Variants in ROBO1 observed in about 807,000 individuals in gnomAD.
ROBO1 encodes roundabout guidance receptor 1.
Under a neutral mutation model 195.9 loss-of-function variants are expected in ROBO1, and 149 were observed. That is an observed-to-expected ratio of 0.76 (90% confidence interval 0.67 to 0.87). ROBO1 has a LOEUF of 0.87. ROBO1 is among the 40% of genes least tolerant of loss of function. ROBO1 has a pLI of 0.00. For synonymous variants in ROBO1, 816 were observed against 733.2 expected (o/e 1.11, Z -1.82); for missense variants, 1,933 against 2,068.3 (o/e 0.93, Z 1.27).
chr3:79,716,343 C>G (rs1576274817), intron 1 of ROBO1, among the ~76,000 whole-genome samples: 1 of 151,786 alleles, frequency 6.6e-6, no homozygotes, highest in Non-Finnish European at 1.5e-5. Flanking sequence ...TTATGAAATA[C>G]TACATATTCT....
rs535825971 is a variant in ROBO1 at position 78,760,513 on chromosome 3, T to C, written c.500-13613A>G. 2.0e-5 allele frequency among the ~76,000 whole-genome samples: 3 copies of C among 152,322 alleles called. No homozygotes were observed. The South Asian group carries it at 6.2e-4, about 32-fold the overall frequency. ...AAAATTTGGCAGCTCAGCTCTATTA[T>C]AATGGGAGCTACAACATACAGGCTC... On this transcript the variant is annotated intron_variant, in intron 4 of 30. Coordinates refer to ENST00000464233, the MANE Select transcript of ROBO1 (RefSeq NM_002941.4).
At chr3:79,138,579 C>T (rs2080461803) in intron 2 of ROBO1, among the ~76,000 whole-genome samples, 2 of 151,880 alleles carry the variant, frequency 1.3e-5, no homozygotes, top group Non-Finnish European at 2.9e-5. Flanking sequence ...GTTATGCACA[C>T]ATTTGGAAAT....
intron 1 of ROBO1, among the ~76,000 whole-genome samples, chr3:79,752,689 A>G (rs1704184853): frequency 6.6e-6 from 1 of 152,144 alleles, no homozygotes; most frequent in Non-Finnish European, 1.5e-5. Context: ...ACAGTATAAA[A>G]CAAAGGAAAA....
chr3:78,910,074 C>A (rs150517609), intron 4 of ROBO1, among the ~76,000 whole-genome samples: 1 of 151,684 alleles, frequency 6.6e-6, no homozygotes, highest in East Asian at 1.9e-4. Context: ...TTAAAATATT[C>A]CTGAATCTTA....
chr3:78,745,616 C>T (rs2082638791), intron 5 of ROBO1, among the ~76,000 whole-genome samples: 1 of 152,170 alleles, frequency 6.6e-6, no homozygotes, highest in Non-Finnish European at 1.5e-5. Context: ...ACCAATGTTT[C>T]CCCATACAGT....
chr3:78,840,043 G>C (rs2033072353), intron 4 of ROBO1, among the ~76,000 whole-genome samples: 1 of 152,182 alleles, frequency 6.6e-6, no homozygotes, highest in Non-Finnish European at 1.5e-5. Context: ...TGTCTTACCT[G>C]TCAAAAGTTA....
intron 2 of ROBO1, among the ~76,000 whole-genome samples, chr3:79,496,909 G>A (rs1939778615): frequency 1.3e-5 from 2 of 152,052 alleles, no homozygotes; most frequent in African/African-American, 4.8e-5. Context: ...TCCAAAACTG[G>A]TTGTTTATCT....
At chr3:79,696,842 A>G (rs961546454) in intron 1 of ROBO1, among the ~76,000 whole-genome samples, 7 of 151,568 alleles carry the variant, frequency 4.6e-5, no homozygotes, top group African/African-American at 1.7e-4. Context: ...TATAAAGTCA[A>G]TATCACCTTC....
intron 2 of ROBO1, among the ~76,000 whole-genome samples, chr3:79,407,419 G>GA (rs975482249): frequency 2.2e-4 from 34 of 151,902 alleles, no homozygotes; most frequent in African/African-American, 7.5e-4. Context: ...TAAACGTTGT[G>GA]AAAAAAATAC....
intron 4 of ROBO1, among the ~76,000 whole-genome samples, chr3:78,774,078 GTT>G (rs2083444558): frequency 6.6e-6 from 1 of 152,186 alleles, no homozygotes; most frequent in South Asian, 2.1e-4. Flanking sequence ...CCAAAGAATA[GTT>G]GATAGTATGT....
At chr3:79,432,988 A>C (rs1440879171) in intron 2 of ROBO1, among the ~76,000 whole-genome samples, 1 of 152,176 alleles carries the variant, frequency 6.6e-6, no homozygotes, top group Non-Finnish European at 1.5e-5. Flanking sequence ...GTTATTTTTA[A>C]AATGTCATTT....
rs772376659 is a variant in ROBO1 at position 79,619,989 on chromosome 3, G to C, written c.-50-30028C>G. On this transcript the variant is annotated intron_variant, in intron 1 of 30. Coordinates refer to ENST00000464233, the MANE Select transcript of ROBO1 (RefSeq NM_002941.4). ...TTGCAATTCCTTACCTCCACTGTGA[G>C]AGAAACCCCAGCCACATCTCCAGCA... is the stretch of plus-strand genomic sequence containing the variant. Among the ~76,000 whole-genome samples the C allele has an allele frequency of 4.9e-4, 75 of 152,102 alleles. 1 individual carries two copies. Among genetic ancestry groups the C allele is most frequent in the Middle Eastern group, 3.2e-3 (1 of 316 alleles).
chr3:79,318,968 A>C (rs938105689), intron 2 of ROBO1, among the ~76,000 whole-genome samples: 1 of 152,214 alleles, frequency 6.6e-6, no homozygotes, highest in Admixed American at 6.5e-5. Context: ...ACATATAATC[A>C]ATACCATTTT....
At chr3:78,718,851 AGAGG>A (rs1297529949) in intron 5 of ROBO1, among the ~76,000 whole-genome samples, 1 of 93,090 alleles carries the variant, frequency 1.1e-5, no homozygotes, top group Non-Finnish European at 2.0e-5. Context: ...AGGGAGGGAG[AGAGG>A]GAGGGAGGGA....
chr3:79,395,304 A>G (rs1357601653), intron 2 of ROBO1, among the ~76,000 whole-genome samples: 1 of 141,324 alleles, frequency 7.1e-6, no homozygotes, highest in Admixed American at 7.4e-5. Flanking sequence ...CCTGGGCGAT[A>G]GAGCAAGACT....
At position 79,611,826 on chromosome 3, in the gene ROBO1, G is replaced by A. The variant is rs181662734; in HGVS notation, c.-50-21865C>T. ...GGGGTGCAGCAAACCACCATGGCACGTGTATACCTATGGAAAAAACCTGCG... is the reference window on the plus strand; with the variant it reads ...GGGGTGCAGCAAACCACCATGGCACATGTATACCTATGGAAAAAACCTGCG... On this transcript the variant is annotated intron_variant, in intron 1 of 30. Coordinates refer to ENST00000464233, the MANE Select transcript of ROBO1 (RefSeq NM_002941.4). Among the ~76,000 whole-genome samples the A allele has an allele frequency of 9.2e-5, 14 of 151,902 alleles. No homozygotes were observed. In the South Asian group the frequency reaches 1.2e-3, roughly 14 times the overall value.
intron 19 of ROBO1, among the ~76,000 whole-genome samples, chr3:78,650,398 T>C (rs952872043): frequency 3.3e-5 from 5 of 152,150 alleles, no homozygotes; most frequent in Non-Finnish European, 7.3e-5. Context: ...CATGAAGAGA[T>C]TGCTGCTGAG....
At chr3:78,896,431 A>G (rs1368760982) in intron 4 of ROBO1, among the ~76,000 whole-genome samples, 2 of 151,906 alleles carry the variant, frequency 1.3e-5, no homozygotes, top group African/African-American at 4.8e-5. Context: ...CTAACTGATC[A>G]ATGTACTTTG....
chr3:79,036,836 C>T (rs1004601633), intron 3 of ROBO1, among the ~76,000 whole-genome samples: 1 of 152,060 alleles, frequency 6.6e-6, no homozygotes, highest in African/African-American at 2.4e-5. Context: ...AAGTTGAACA[C>T]ACAAGGGGTG....
Sources: gnomAD v4.1 joint callset for allele counts (sites outside exome capture counted in the v4.1 genomes callset) on GRCh38, gnomAD v4.1.1 for gene constraint, MANE v1.5 for transcripts, NCBI Gene and HGNC (gene_info 2026-07-23, HGNC 2026-07-21) for gene names.